TTC3: variants seen among roughly 807,000 people sequenced by gnomAD.
The protein encoded by TTC3 is E3 ubiquitin-protein ligase TTC3.
A neutral mutation model predicts 249.6 loss-of-function variants in TTC3; 180 were observed. The ratio of observed to expected loss-of-function variants is 0.72; its 90% confidence interval spans 0.64 to 0.82. The LOEUF (loss-of-function observed/expected upper bound fraction) is 0.82. Ranked by LOEUF, TTC3 falls within the 40% of genes least tolerant of loss-of-function variation. TTC3 has a pLI of 0.00. For missense variants in TTC3, 2,061 were observed against 2,398.4 expected, an observed-to-expected ratio of 0.86 and a Z score of 2.94; for synonymous variants, 717 against 805.0, an observed-to-expected ratio of 0.89 and a Z score of 1.85.
intron 11 of TTC3, 89 bp from the exon 12 acceptor site, chr21:37,121,728 C>T: frequency 1.6e-6 from 2 of 1,221,576 alleles, no homozygotes; most frequent in South Asian, 2.0e-5. Context: ...AGTAATGAAT[C>T]AGTTTTCAAG....
rs771793901 is a variant in TTC3 at position 37,165,856 on chromosome 21, TA to T, written c.3645del (p.Lys1215AsnfsTer4). 1.2e-6 allele frequency: 2 copies of T among 1,614,200 alleles called. No homozygotes were observed. Among genetic ancestry groups the T allele is most frequent in the Non-Finnish European group, 1.7e-6 (2 of 1,180,028 alleles). ...AACTGAATCCAGCTGCTAGGGAATT[TA>T]AACCAGATGTAAAGTCTAAACCAGT... On this transcript the variant is annotated frameshift_variant, in exon 33 of 46. Transcript: ENST00000355666. LOFTEE classifies it high-confidence loss of function.
chr21:37,188,720 C>A, intron 39 of TTC3, 125 bp downstream of exon 39: 1 of 562,926 alleles, frequency 1.8e-6, no homozygotes, highest in Admixed American at 3.5e-5. Flanking sequence ...GATACATGTT[C>A]AATTGTAGAA....
At chr21:37,162,649 CAG>C (rs1364022578) in intron 31 of TTC3, among the ~76,000 whole-genome samples, 2 of 37,640 alleles carry the variant, frequency 5.3e-5, no homozygotes, top group African/African-American at 2.2e-4. Context: ...AAGGAGCTAT[CAG>C]AGCAGTTAAA....
At chr21:37,166,478 G>T in exon 33 of TTC3, 1 of 1,614,190 alleles carries the variant, frequency 6.2e-7, no homozygotes, top group Non-Finnish European at 8.5e-7. Flanking sequence ...CTGCAGCACA[G>T]GTGATGCTCA....
At position 37,120,341 on chromosome 21, in the gene TTC3, G is replaced by A. The variant is rs552045110; in HGVS notation, c.901-1476G>A. ...GAATTAAGTCTTTTCTCAACTAACA[G>A]GAGTTACATTATGTTTTATAGGGTT... On this transcript the variant is annotated intron_variant, in intron 11 of 45. Transcript: ENST00000355666. Among the ~76,000 whole-genome samples, 12 of 152,288 alleles carry A rather than the reference G, an allele frequency of 7.9e-5. No individual in the cohort carries two copies. The South Asian group carries it at 2.5e-3, about 32-fold the overall frequency.
intron 11 of TTC3, among the ~76,000 whole-genome samples, chr21:37,112,790 C>T (rs2075788094): frequency 6.6e-6 from 1 of 152,154 alleles, no homozygotes; most frequent in Admixed American, 6.5e-5. Flanking sequence ...CAAAAATCCT[C>T]AGTAAAATAC....
intron 10 of TTC3, among the ~76,000 whole-genome samples, chr21:37,102,723 G>T (rs1298662797): frequency 6.6e-6 from 1 of 152,222 alleles, no homozygotes; most frequent in African/African-American, 2.4e-5. Context: ...AAGGCCAGGT[G>T]CAGTGGCTCG....
intron 1 of TTC3, among the ~76,000 whole-genome samples, chr21:37,085,109 C>T (rs2072270803): frequency 6.6e-6 from 1 of 152,178 alleles, no homozygotes; most frequent in Non-Finnish European, 1.5e-5. Context: ...GCTTGAATGA[C>T]CAGTATCAGT....
intron 11 of TTC3, among the ~76,000 whole-genome samples, chr21:37,112,669 G>A (rs1346035854): frequency 2.0e-5 from 3 of 152,100 alleles, no homozygotes; most frequent in Non-Finnish European, 4.4e-5. Flanking sequence ...GAAAAAGAGG[G>A]AATCCTCCCT....
intron 10 of TTC3, among the ~76,000 whole-genome samples, chr21:37,104,588 C>CAAAAA (rs141618903): frequency 3.6e-4 from 38 of 104,168 alleles, no homozygotes; most frequent in African/African-American, 4.8e-4. Flanking sequence ...AACTCCGTCT[C>CAAAAA]AAAAAAAAAA....
intron 11 of TTC3, among the ~76,000 whole-genome samples, chr21:37,115,499 G>A (rs1382722473): frequency 1.3e-5 from 2 of 152,176 alleles, no homozygotes; most frequent in African/African-American, 4.8e-5. Flanking sequence ...TTCTGAGTGT[G>A]TGTGCTCTAG....
At chr21:37,144,249 A>T (rs56127106) in intron 20 of TTC3, among the ~76,000 whole-genome samples, 77,087 of 150,878 alleles carry the variant, frequency 0.51, 20,067 homozygotes, top group African/African-American at 0.6. Context: ...TAATAAAAAA[A>T]ATATATATAT....
intron 35 of TTC3, among the ~76,000 whole-genome samples, chr21:37,175,472 C>T (rs2082181162): frequency 6.6e-6 from 1 of 150,864 alleles, no homozygotes; most frequent in Admixed American, 6.6e-5. Context: ...TGGTGGGCGC[C>T]TGTAATCCCA....
intron 20 of TTC3, among the ~76,000 whole-genome samples, chr21:37,143,040 C>T (rs1357385621): frequency 1.8e-4 from 28 of 152,182 alleles, no homozygotes. Flanking sequence ...ACTGGCTAGC[C>T]ATATGTAGAA....
At chr21:37,183,031 C>T (rs1443789953) in intron 36 of TTC3, 118 bp downstream of exon 36, 20 of 918,680 alleles carry the variant, frequency 2.2e-5, no homozygotes, top group African/African-American at 3.5e-5. Context: ...AAAATGAATA[C>T]TGTTTTCATT....
In TTC3 at chr21:37,087,405, A is replaced by G; in HGVS notation, c.144+4A>G. ...TCAGCTTTACTGTGATGGGGTGGTA[A>G]GTAGGTTTGCTAATTTTTCATTTTT... On this transcript the variant is annotated splice_donor_region_variant and intron_variant, in intron 2 of 45. Coordinates refer to ENST00000355666, the Ensembl canonical transcript of TTC3. 1 of 1,613,274 alleles carries G rather than the reference A, an allele frequency of 6.2e-7. No homozygotes were observed. Among genetic ancestry groups the G allele is most frequent in the South Asian group, 1.1e-5 (1 of 90,904 alleles).
intron 26 of TTC3, among the ~76,000 whole-genome samples, chr21:37,152,303 A>G (rs1405535607): frequency 1.3e-5 from 2 of 152,086 alleles, no homozygotes; most frequent in African/African-American, 4.8e-5. Context: ...TATTTATTGT[A>G]TATAAAGTTA....
At chr21:37,132,659 TA>T (rs770275408) in intron 16 of TTC3, 22 bp from the exon 17 acceptor site, 4 of 1,571,900 alleles carry the variant, frequency 2.5e-6, no homozygotes, top group Non-Finnish European at 2.6e-6. Flanking sequence ...AAATGATTTT[TA>T]AAAATGCTTT....
chr21:37,147,975 C>A (rs2079130613), intron 22 of TTC3, among the ~76,000 whole-genome samples: 1 of 152,192 alleles, frequency 6.6e-6, no homozygotes, highest in Admixed American at 6.5e-5. Flanking sequence ...GATCCACCCC[C>A]TCAGCCTCCC....
Sources: gnomAD v4.1 joint callset for allele counts (sites outside exome capture counted in the v4.1 genomes callset) on GRCh38, gnomAD v4.1.1 for gene constraint, MANE v1.5 for transcripts, NCBI Gene and HGNC (gene_info 2026-07-23, HGNC 2026-07-21) for gene names.